Variants in MEIKIN observed in about 807,000 individuals in gnomAD.
The protein encoded by MEIKIN is meiosis-specific kinetochore protein.
intron 7 of MEIKIN, among the ~76,000 whole-genome samples, 163 bp downstream of exon 7, chr5:131,916,723 C>G (rs1751420582): frequency 6.6e-6 from 1 of 152,164 alleles, no homozygotes; most frequent in Non-Finnish European, 1.5e-5. Context: ...CAATTTTGTT[C>G]ACTACTATAT....
chr5:131,889,353 T>A (rs996061665), intron 8 of MEIKIN, among the ~76,000 whole-genome samples: 17 of 152,334 alleles, frequency 1.1e-4, no homozygotes, highest in Non-Finnish European at 2.4e-4. Flanking sequence ...GCATGGAATG[T>A]TCTTCCATTT....
intron 12 of MEIKIN, among the ~76,000 whole-genome samples, chr5:131,811,675 C>T (rs1332870669): frequency 3.3e-5 from 5 of 152,084 alleles, no homozygotes; most frequent in South Asian, 4.1e-4. Flanking sequence ...GGCACGATCT[C>T]GGCTCACTGC....
chr5:131,880,392 C>T (rs1156387766), intron 8 of MEIKIN, among the ~76,000 whole-genome samples: 3 of 130,766 alleles, frequency 2.3e-5, no homozygotes, highest in East Asian at 2.1e-4. Flanking sequence ...CGTGAGCCAA[C>T]GTGCCCGGCC....
At chr5:131,908,872 C>T (rs1751287824) in intron 8 of MEIKIN, among the ~76,000 whole-genome samples, 3 of 152,048 alleles carry the variant, frequency 2.0e-5, no homozygotes, top group Non-Finnish European at 2.9e-5. Context: ...AACCAAAGAT[C>T]TGAAAGATCT....
chr5:131,835,232 ATGTATATATG>A (rs1364790732), intron 11 of MEIKIN, among the ~76,000 whole-genome samples: 1 of 134,602 alleles, frequency 7.4e-6, no homozygotes, highest in African/African-American at 3.6e-5. Context: ...GTGTATATAT[ATGTATATATG>A]TGTATATATA....
At chr5:131,892,367 T>G (rs1430641204) in intron 8 of MEIKIN, among the ~76,000 whole-genome samples, 2 of 152,214 alleles carry the variant, frequency 1.3e-5, no homozygotes, top group Non-Finnish European at 2.9e-5. Context: ...CAGACGTAAT[T>G]TGGTCTTTTC....
At chr5:131,815,176 A>G (rs1465952019) in intron 12 of MEIKIN, among the ~76,000 whole-genome samples, 1 of 152,204 alleles carries the variant, frequency 6.6e-6, no homozygotes, top group Non-Finnish European at 1.5e-5. Context: ...CAGCAAAAGA[A>G]TTTCAGTATG....
chr5:131,921,522 T>C (rs1165238759), intron 6 of MEIKIN, among the ~76,000 whole-genome samples: 1 of 152,046 alleles, frequency 6.6e-6, no homozygotes, highest in Non-Finnish European at 1.5e-5. Context: ...CTAGCTGTGG[T>C]GGCACGTGCC....
intron 11 of MEIKIN, among the ~76,000 whole-genome samples, chr5:131,840,808 T>C (rs955013789): frequency 9.2e-5 from 14 of 152,218 alleles, no homozygotes; most frequent in African/African-American, 2.2e-4. Context: ...TGCATCTCAA[T>C]TGTCTTCATT....
chr5:131,860,687 T>C (rs1750269446), intron 9 of MEIKIN, among the ~76,000 whole-genome samples: 1 of 147,638 alleles, frequency 6.8e-6, no homozygotes, highest in Non-Finnish European at 1.5e-5. Flanking sequence ...CACCTCATGA[T>C]CCACCCACCT....
At chr5:131,932,437 CGA>C (rs1245412145) in intron 5 of MEIKIN, among the ~76,000 whole-genome samples, 1 of 152,158 alleles carries the variant, frequency 6.6e-6, no homozygotes, top group African/African-American at 2.4e-5. Context: ...TGGGGTTCCA[CGA>C]GAGAGGCAGA....
At chr5:131,848,272 C>A (rs1170332867) in intron 11 of MEIKIN, among the ~76,000 whole-genome samples, 1 of 151,778 alleles carries the variant, frequency 6.6e-6, no homozygotes, top group Non-Finnish European at 1.5e-5. Flanking sequence ...AACTGGCAAA[C>A]CTTTAATGAA....
rs186987362 is a variant in MEIKIN at position 131,847,991 on chromosome 5, C to T, written c.975+3273G>A. ...TACTTAGAGACAAATGAAAACAAAA[C>T]CACAACATAACCAAACTTACGGGAT... On this transcript the variant is annotated intron_variant, in intron 11 of 12. Transcript: ENST00000442687. Among the ~76,000 whole-genome samples, 6 of 152,114 alleles carry T rather than the reference C, an allele frequency of 3.9e-5. No homozygotes were observed. In the East Asian group the frequency reaches 7.7e-4, roughly 20 times the overall value.
intron 8 of MEIKIN, among the ~76,000 whole-genome samples, chr5:131,885,687 A>T (rs901488597): frequency 6.6e-6 from 1 of 152,162 alleles, no homozygotes; most frequent in Non-Finnish European, 1.5e-5. Flanking sequence ...CAAAACTTAC[A>T]AGAAATAGCT....
intron 8 of MEIKIN, among the ~76,000 whole-genome samples, chr5:131,892,766 G>A (rs943167585): frequency 9.2e-5 from 14 of 152,146 alleles, no homozygotes; most frequent in East Asian, 7.7e-4. Context: ...GAGGAGCTGC[G>A]TTCCTTTGGA....
In MEIKIN at chr5:131,945,492, C is replaced by T; in HGVS notation, c.14G>A (p.Arg5Gln). The T allele has an allele frequency of 2.5e-6, 1 of 399,690 alleles. No homozygotes were observed. Among genetic ancestry groups the T allele is most frequent in the Non-Finnish European group, 4.4e-6 (1 of 226,170 alleles). 24.8% of individuals were successfully genotyped at this position (399,690 alleles called of 1,614,324 possible). ...CTCCCGCTTTTTGCGGGTATAGACC[C>T]GTAGCGGCCACATTGCTATCCCACC... MWPL[R>Q]VYTRKKREGQ... is the part of the protein sequence containing the mutation. Residue 5 changes from arginine to glutamine, a missense_variant, in exon 1 of 13, where the codon CGG (arginine) becomes CAG (glutamine). Physicochemically the swap from Arg to Gln is conservative, Grantham distance 43. Transcript: ENST00000442687.
At position 131,944,646 on chromosome 5, in the gene MEIKIN, A is replaced by G. The variant is rs146684348; in HGVS notation, c.288+19T>C. On this transcript the variant is annotated intron_variant, in intron 3 of 12. Coordinates refer to ENST00000442687, the MANE Select transcript of MEIKIN (RefSeq NM_001303622.2). ...TCTACACTAAGTGTGTCCAAGGACT[A>G]AAAGAGAAGCATACATACACGCAAC... is the stretch of plus-strand genomic sequence containing the variant. The G allele has an allele frequency of 2.0e-5, 8 of 399,076 alleles. No homozygotes were observed. Among genetic ancestry groups the G allele is most frequent in the African/African-American group, 6.2e-5 (3 of 48,760 alleles). The allele number at this position is 399,076 out of a possible 1,614,324, so 24.7% of individuals were successfully genotyped here.
At position 131,887,201 on chromosome 5, in the gene MEIKIN, T is replaced by C. The variant is rs185657280; in HGVS notation, c.704-8153A>G. On this transcript the variant is annotated intron_variant, in intron 8 of 12. Coordinates refer to ENST00000442687, the MANE Select transcript of MEIKIN (RefSeq NM_001303622.2). ...GCTGCACAGTATTCCATGGGGTATA[T>C]GTGCCACATTTTCTTAATCCAGTCT... is the stretch of plus-strand genomic sequence containing the variant. 3.7e-3 allele frequency among the ~76,000 whole-genome samples: 568 copies of C among 152,234 alleles called. 4 individuals are homozygous for C. Among genetic ancestry groups the C allele is most frequent in the African/African-American group, 0.013 (538 of 41,530 alleles).
chr5:131,874,404 G>C (rs891017435), intron 9 of MEIKIN, among the ~76,000 whole-genome samples: 5 of 152,162 alleles, frequency 3.3e-5, no homozygotes, highest in African/African-American at 1.2e-4. Context: ...AGAAGAAATG[G>C]ATAAATTCCT....
Sources: gnomAD v4.1 joint callset for allele counts (sites outside exome capture counted in the v4.1 genomes callset) on GRCh38, gnomAD v4.1.1 for gene constraint, MANE v1.5 for transcripts, NCBI Gene and HGNC (gene_info 2026-07-23, HGNC 2026-07-21) for gene names.